The following ATP10D variants were observed in gnomAD, a reference collection of about 807,000 sequenced individuals.
ATP10D encodes the protein ATPase phospholipid transporting 10D (putative).
In ATP10D, 89 loss-of-function variants were observed where a neutral mutation model predicts 144.8. The ratio of observed to expected loss-of-function variants is 0.61; its 90% confidence interval spans 0.52 to 0.73. ATP10D has a LOEUF of 0.73. Ranked by LOEUF, ATP10D falls within the 30% of genes least tolerant of loss-of-function variation. ATP10D has a pLI of 0.00. For missense variants in ATP10D, 1,603 were observed against 1,714.8 expected (o/e 0.93, Z 1.15); for synonymous variants, 571 against 615.1 (o/e 0.93, Z 1.06).
chr4:47,555,829 C>A (rs541828050), intron 11 of ATP10D, among the ~76,000 whole-genome samples: 232 of 151,980 alleles, frequency 1.5e-3, no homozygotes, highest in Non-Finnish European at 2.8e-3. Context: ...TCTCAGCTCA[C>A]TGCACCCTCC....
intron 1 of ATP10D, among the ~76,000 whole-genome samples, chr4:47,488,213 T>G (rs1227604358): frequency 6.6e-6 from 1 of 152,148 alleles, no homozygotes; most frequent in Non-Finnish European, 1.5e-5. Context: ...TTTTAAAAAT[T>G]TAATGACTTG....
intron 15 of ATP10D, among the ~76,000 whole-genome samples, chr4:47,566,572 G>A (rs1017713278): frequency 1.3e-5 from 2 of 152,142 alleles, no homozygotes; most frequent in East Asian, 3.9e-4. Flanking sequence ...TCTAAGTACA[G>A]CTGATTACTA....
Position 47,535,739 on chromosome 4 carries a change from T to C in ATP10D, c.883+124T>C, listed in dbSNP as rs965264348. 2.5e-5 allele frequency: 33 copies of C among 1,319,088 alleles called. No individual in the cohort carries two copies. The East Asian group carries it at 4.0e-4, about 16-fold the overall frequency. 81.7% of individuals were successfully genotyped at this position (1,319,088 alleles called of 1,614,324 possible). ...AATTTTGCCTGATAAACTTAATTATTGGTCTCTGTTTTTCTAAATGGATCA... is the reference window on the plus strand; with the variant it reads ...AATTTTGCCTGATAAACTTAATTATCGGTCTCTGTTTTTCTAAATGGATCA... On this transcript the variant is annotated intron_variant, in intron 6 of 22. Coordinates refer to ENST00000273859, the MANE Select transcript of ATP10D (RefSeq NM_020453.4).
chr4:47,519,667 T>C (rs1216950273), intron 3 of ATP10D, among the ~76,000 whole-genome samples: 1 of 152,218 alleles, frequency 6.6e-6, no homozygotes, highest in East Asian at 1.9e-4. Flanking sequence ...ACTGATGTGC[T>C]GTCTCACCTT....
chr4:47,516,843 AT>A (rs1178918885), intron 3 of ATP10D, among the ~76,000 whole-genome samples: 1 of 152,224 alleles, frequency 6.6e-6, no homozygotes, highest in East Asian at 1.9e-4. Context: ...GGTATAAGTC[AT>A]TGGTTTTCAT....
At chr4:47,582,339 C>T (rs1720560194) in intron 21 of ATP10D, among the ~76,000 whole-genome samples, 1 of 152,118 alleles carries the variant, frequency 6.6e-6, no homozygotes, top group Non-Finnish European at 1.5e-5. Flanking sequence ...GGATATTTAA[C>T]CTTCATTCTT....
chr4:47,525,101 A>G (rs1577645428), intron 4 of ATP10D, among the ~76,000 whole-genome samples: 3 of 152,304 alleles, frequency 2.0e-5, no homozygotes, highest in South Asian at 4.1e-4. Flanking sequence ...TATTATAGAT[A>G]TTGATGTCTA....
Position 47,554,972 on chromosome 4 carries a change from A to C in ATP10D, c.1824+58A>C, listed in dbSNP as rs1718906798. The C allele has an allele frequency of 3.5e-6, 5 of 1,439,618 alleles. No homozygotes were observed. The South Asian group carries it at 6.0e-5, about 17-fold the overall frequency. 89.2% of individuals were successfully genotyped at this position (1,439,618 alleles called of 1,614,324 possible). On this transcript the variant is annotated intron_variant, in intron 11 of 22. Coordinates refer to ENST00000273859, the MANE Select transcript of ATP10D (RefSeq NM_020453.4). ...CTTTCCAGAAGAGAATTTTGGGTTT[A>C]AATGTATCTGTACTGAGCTTGATAT...
intron 3 of ATP10D, among the ~76,000 whole-genome samples, chr4:47,521,685 G>A (rs1005488318): frequency 6.6e-6 from 1 of 152,044 alleles, no homozygotes; most frequent in Non-Finnish European, 1.5e-5. Flanking sequence ...ATGGAGGACC[G>A]AACTGTCAAA....
At chr4:47,515,254 C>T (rs1281259251) in intron 2 of ATP10D, among the ~76,000 whole-genome samples, 1 of 152,174 alleles carries the variant, frequency 6.6e-6, no homozygotes, top group African/African-American at 2.4e-5. Context: ...AGCCACCACA[C>T]CCAGCCCTGA....
At chr4:47,492,880 C>G (rs1411382775) in intron 1 of ATP10D, among the ~76,000 whole-genome samples, 1 of 152,052 alleles carries the variant, frequency 6.6e-6, no homozygotes, top group Non-Finnish European at 1.5e-5. Flanking sequence ...GAATATAATT[C>G]AGAATTTTAG....
Position 47,546,946 on chromosome 4 carries a change from T to G in ATP10D, c.1635+84T>G, listed in dbSNP as rs1718473287. On this transcript the variant is annotated intron_variant, in intron 10 of 22. Coordinates refer to ENST00000273859, the MANE Select transcript of ATP10D (RefSeq NM_020453.4). ...CCTTGTAATTATGATAGAGTCAAAC[T>G]CTGTTGTCTTTTCTACCTTAGAAGA... 2.3e-6 allele frequency: 3 copies of G among 1,328,114 alleles called. No individual in the cohort carries two copies. The South Asian group carries it at 3.7e-5, about 17-fold the overall frequency. 82.3% of individuals were successfully genotyped at this position (1,328,114 alleles called of 1,614,324 possible).
chr4:47,507,478 G>A (rs1716079293), intron 1 of ATP10D, among the ~76,000 whole-genome samples: 1 of 152,142 alleles, frequency 6.6e-6, no homozygotes, highest in African/African-American at 2.4e-5. Flanking sequence ...GCAGATTCCT[G>A]CTCTTAATAA....
At chr4:47,526,515 A>G (rs977706487) in intron 5 of ATP10D, among the ~76,000 whole-genome samples, 2 of 152,198 alleles carry the variant, frequency 1.3e-5, no homozygotes, top group Non-Finnish European at 2.9e-5. Flanking sequence ...CTTACACTGG[A>G]AGGTCTAGCT....
intron 1 of ATP10D, among the ~76,000 whole-genome samples, chr4:47,495,273 T>C (rs1161002637): frequency 6.6e-6 from 1 of 152,052 alleles, no homozygotes; most frequent in Non-Finnish European, 1.5e-5. Flanking sequence ...TCATTTTCAG[T>C]ATTGAAGCAG....
At chr4:47,511,442 G>A (rs1199745120) in intron 1 of ATP10D, among the ~76,000 whole-genome samples, 2 of 152,266 alleles carry the variant, frequency 1.3e-5, no homozygotes, top group East Asian at 3.9e-4. Flanking sequence ...GTGATTGTCT[G>A]CCTGTAATCC....
At chr4:47,486,930 A>T (rs1382743227) in intron 1 of ATP10D, among the ~76,000 whole-genome samples, 3 of 152,162 alleles carry the variant, frequency 2.0e-5, no homozygotes. Context: ...ATACTTAGTG[A>T]CTAAATAGAA....
rs146613155 is a variant in ATP10D, at chr4:47,512,365, A to G, written c.-37-139A>G. The G allele has an allele frequency of 1.6e-5, 9 of 577,668 alleles. 1 individual carries two copies. In the African/African-American group the frequency reaches 1.7e-4, roughly 11 times the overall value. The allele number at this position is 577,668 out of a possible 1,614,324, so 35.8% of individuals were successfully genotyped here. Reference sequence around the variant, plus strand: ...CTTTATTTGGTTAAAATGGAGTTCTAAAGACTACTTTTACTTTCTCCCTTA... The same window carrying G: ...CTTTATTTGGTTAAAATGGAGTTCTGAAGACTACTTTTACTTTCTCCCTTA... On this transcript the variant is annotated intron_variant, in intron 1 of 22. Transcript: ENST00000273859.
intron 9 of ATP10D, 96 bp from the exon 10 acceptor site, chr4:47,546,528 G>C: frequency 9.1e-7 from 1 of 1,104,104 alleles, no homozygotes; most frequent in Non-Finnish European, 1.4e-6. Context: ...AAGGGGAGGA[G>C]ATGGTGTGAA....
Sources: gnomAD v4.1 joint callset for allele counts (sites outside exome capture counted in the v4.1 genomes callset) on GRCh38, gnomAD v4.1.1 for gene constraint, MANE v1.5 for transcripts, NCBI Gene and HGNC (gene_info 2026-07-23, HGNC 2026-07-21) for gene names.